Variants in SGMS1 observed in about 807,000 individuals in gnomAD.
The protein encoded by SGMS1 is phosphatidylcholine:ceramide cholinephosphotransferase 1.
Under a neutral mutation model 46.2 loss-of-function variants are expected in SGMS1, and 13 were observed. The observed-to-expected ratio is 0.28, with a 90% CI of 0.18 to 0.45. The LOEUF (loss-of-function observed/expected upper bound fraction) is 0.45. SGMS1 is among the 20% of genes least tolerant of loss of function. The probability of loss-of-function intolerance (pLI) is 1.00; values close to 1 mark genes in which losing one functional copy is unlikely to be tolerated. For synonymous variants in SGMS1, 203 were observed against 187.8 expected (o/e 1.08, Z -0.66); for missense variants, 324 against 519.9 (o/e 0.62, Z 3.66).
intron 6 of SGMS1, among the ~76,000 whole-genome samples, chr10:50,357,951 T>C (rs1183237690): frequency 6.6e-6 from 1 of 152,130 alleles, no homozygotes; most frequent in Non-Finnish European, 1.5e-5. Context: ...AGACTTATAG[T>C]GAACCAAACT....
chr10:50,445,635 T>C (rs1212922637), intron 5 of SGMS1, among the ~76,000 whole-genome samples: 1 of 152,230 alleles, frequency 6.6e-6, no homozygotes, highest in Non-Finnish European at 1.5e-5. Context: ...TTTACTTTAA[T>C]CTCTTAATCC....
chr10:50,541,476 T>C (rs147116532), intron 2 of SGMS1, among the ~76,000 whole-genome samples: 68 of 152,338 alleles, frequency 4.5e-4, no homozygotes, highest in African/African-American at 1.3e-3. Flanking sequence ...ATGAGGGGCA[T>C]TAATTTTACC....
At chr10:50,551,975 C>A (rs1838152849) in intron 2 of SGMS1, among the ~76,000 whole-genome samples, 1 of 152,086 alleles carries the variant, frequency 6.6e-6, no homozygotes, top group South Asian at 2.1e-4. Context: ...TTTTTTAAGC[C>A]CTGCAAGCCT....
intron 8 of SGMS1, among the ~76,000 whole-genome samples, chr10:50,319,115 T>C (rs1482491138): frequency 1.3e-5 from 2 of 150,580 alleles, no homozygotes; most frequent in African/African-American, 4.9e-5. Context: ...CCTTTAAGTG[T>C]TGGAGGATCC....
chr10:50,388,190 G>C (rs1388817932), intron 6 of SGMS1, among the ~76,000 whole-genome samples: 2 of 152,144 alleles, frequency 1.3e-5, no homozygotes, highest in Non-Finnish European at 2.9e-5. Flanking sequence ...ACTATCTCCA[G>C]GAAGTAGACC....
At chr10:50,593,298 C>T (rs1316092802) in intron 1 of SGMS1, among the ~76,000 whole-genome samples, 2 of 152,202 alleles carry the variant, frequency 1.3e-5, no homozygotes, top group African/African-American at 4.8e-5. Flanking sequence ...TCATGAGAGA[C>T]TGCGAGTCAG....
At chr10:50,575,708 T>C (rs549245589) in intron 2 of SGMS1, among the ~76,000 whole-genome samples, 1 of 152,162 alleles carries the variant, frequency 6.6e-6, no homozygotes, top group South Asian at 2.1e-4. Context: ...TGTATACATA[T>C]GTCCAAACTC....
rs112959244 is a variant in SGMS1, at chr10:50,595,180, C to CT, written c.-683-4934dup. On this transcript the variant is annotated intron_variant, in intron 1 of 10. Transcript: ENST00000361781. ...TAAGCACTCTACTGCATACTGCATTCTTTTTTTTTTTTTGAGATGGAGTCC... is the reference window on the plus strand; with the variant it reads ...TAAGCACTCTACTGCATACTGCATTCTTTTTTTTTTTTTTGAGATGGAGTCC... 5.8e-3 allele frequency among the ~76,000 whole-genome samples: 846 copies of CT among 145,996 alleles called. 6 individuals carry two copies. Among genetic ancestry groups the CT allele is most frequent in the African/African-American group, 0.01 (416 of 40,092 alleles).
intron 6 of SGMS1, among the ~76,000 whole-genome samples, chr10:50,380,304 C>A (rs1229827546): frequency 6.6e-6 from 1 of 151,398 alleles, no homozygotes; most frequent in Non-Finnish European, 1.5e-5. Context: ...TCGCTTGAGC[C>A]CAGGAGGCAG....
At chr10:50,503,237 G>T (rs1309260535) in intron 3 of SGMS1, among the ~76,000 whole-genome samples, 2 of 152,198 alleles carry the variant, frequency 1.3e-5, no homozygotes, top group Non-Finnish European at 2.9e-5. Flanking sequence ...AAATGAACTT[G>T]CAGGCTTATG....
chr10:50,443,107 A>C (rs1341274594), intron 5 of SGMS1, among the ~76,000 whole-genome samples: 6 of 152,232 alleles, frequency 3.9e-5, no homozygotes, highest in Non-Finnish European at 7.3e-5. Context: ...GTATATAGGA[A>C]AAGTCAGTCA....
chr10:50,386,660 T>G (rs534300179), intron 6 of SGMS1, among the ~76,000 whole-genome samples: 6 of 152,268 alleles, frequency 3.9e-5, no homozygotes, highest in African/African-American at 1.4e-4. Flanking sequence ...TCTAAGTTGC[T>G]ATGAGGATTA....
chr10:50,587,844 C>T (rs1838502088), intron 2 of SGMS1, among the ~76,000 whole-genome samples: 2 of 152,094 alleles, frequency 1.3e-5, no homozygotes, highest in Non-Finnish European at 2.9e-5. Flanking sequence ...TTGTGTTAGT[C>T]ATGCTCTGTT....
At chr10:50,385,525 C>T (rs1444168889) in intron 6 of SGMS1, among the ~76,000 whole-genome samples, 1 of 152,134 alleles carries the variant, frequency 6.6e-6, no homozygotes, top group African/African-American at 2.4e-5. Flanking sequence ...AATGAAATAA[C>T]ATATGTAAAA....
intron 6 of SGMS1, among the ~76,000 whole-genome samples, chr10:50,430,153 G>T (rs765970539): frequency 1.3e-5 from 2 of 151,928 alleles, no homozygotes; most frequent in Non-Finnish European, 2.9e-5. Context: ...TCCCAACTCT[G>T]TTCAAAGGTC....
At chr10:50,417,230 T>C (rs1849183707) in intron 6 of SGMS1, among the ~76,000 whole-genome samples, 1 of 152,180 alleles carries the variant, frequency 6.6e-6, no homozygotes, top group African/African-American at 2.4e-5. Flanking sequence ...ATCATACAAC[T>C]GCACTAATTT....
chr10:50,514,077 A>G (rs1052866146), intron 3 of SGMS1, among the ~76,000 whole-genome samples: 12 of 152,188 alleles, frequency 7.9e-5, no homozygotes, highest in African/African-American at 2.9e-4. Flanking sequence ...CAAAAAAAAG[A>G]TATTTCATAT....
chr10:50,308,146 A>C lies in SGMS1; in HGVS notation c.898T>G (p.Ser300Ala). ...TGATACCACCAGAGTCGCCGAGGGGAATCTGAAAGGGGGAGAGATTTGCAA... is the reference window on the plus strand; with the variant it reads ...TGATACCACCAGAGTCGCCGAGGGGCATCTGAAAGGGGGAGAGATTTGCAA... ...TLTYLFIKEYSPRRLWWYHWI... is the reference protein window; with the variant it reads ...TLTYLFIKEYAPRRLWWYHWI... Residue 300 changes from serine to alanine, a missense_variant and splice_region_variant, in exon 10 of 11, where the codon TCC (serine) becomes GCC (alanine). By Grantham distance (99) the Ser-to-Ala change is moderately conservative. Transcript: ENST00000361781. The C allele has an allele frequency of 6.2e-7, 1 of 1,612,496 alleles. No homozygotes were observed. Among genetic ancestry groups the C allele is most frequent in the Non-Finnish European group, 8.5e-7 (1 of 1,179,174 alleles).
At chr10:50,329,728 CAAG>C (rs984016291) in intron 7 of SGMS1, among the ~76,000 whole-genome samples, 11 of 152,216 alleles carry the variant, frequency 7.2e-5, no homozygotes, top group African/African-American at 2.4e-4. Flanking sequence ...CAGATGCCAA[CAAG>C]AAGATGTACA....
Sources: gnomAD v4.1 joint callset for allele counts (sites outside exome capture counted in the v4.1 genomes callset) on GRCh38, gnomAD v4.1.1 for gene constraint, MANE v1.5 for transcripts, NCBI Gene and HGNC (gene_info 2026-07-23, HGNC 2026-07-21) for gene names.